ANKFN1: variants seen among roughly 807,000 people sequenced by gnomAD.
ANKFN1 encodes the protein ankyrin repeat and fibronectin type III domain containing 1.
A neutral mutation model predicts 108.7 loss-of-function variants in ANKFN1; 74 were observed. The ratio of observed to expected loss-of-function variants is 0.68; its 90% CI spans 0.56 to 0.83. The LOEUF is 0.83. Ranked by LOEUF, ANKFN1 falls within the 40% of genes least tolerant of loss-of-function variation. The pLI, the probability that ANKFN1 is intolerant of heterozygous loss-of-function variation, is 0.00. For synonymous variants in ANKFN1, 547 were observed against 516.2 expected (o/e 1.06, Z -0.81); for missense variants, 1,505 against 1,382.3 (o/e 1.09, Z -1.41).
chr17:56,188,581 G>GTTTATATATATATATATA (rs1212242378), intron 1 of ANKFN1, among the ~76,000 whole-genome samples: 1 of 49,668 alleles, frequency 2.0e-5, no homozygotes. Flanking sequence ...GTGTGTGTGT[G>GTTTATATATATATATATA]TATATATATA....
intron 1 of ANKFN1, chr17:56,174,324 C>A (rs145005075): frequency 1.0e-6 from 1 of 985,560 alleles, no homozygotes; most frequent in African/African-American, 1.7e-5. Context: ...GGAGCTGATG[C>A]CACCTGGAAT....
Position 56,128,381 on chromosome 17 carries a change from C to G in ANKFN1, c.288+82056C>G, listed in dbSNP as rs138825238. Among the ~76,000 whole-genome samples the G allele has an allele frequency of 2.6e-5, 4 of 152,164 alleles. No individual in the cohort carries two copies. In the South Asian group the frequency reaches 8.3e-4, roughly 32 times the overall value. ...TTGCAATCCTGAAGTGGGTGAAAGA[C>G]TTGCAACTGAAGGATGTTTTGATTA... On this transcript the variant is annotated intron_variant, in intron 4 of 12. Coordinates refer to the ANKFN1 transcript ENST00000635860.
rs760279056 is a variant in ANKFN1, at chr17:56,350,960, C to A, written c.383C>A (p.Thr128Asn). 1.2e-5 allele frequency: 20 copies of A among 1,613,190 alleles called. No homozygotes were observed. The highest frequency in any genetic ancestry group is 3.3e-5 in the Admixed American group (2 of 59,816). ...ACTGATCGGCTGAGTCTCAGGAAGA[C>A]CTCGGTGGTAACAAAACTGTTTTTA... Reference protein sequence around the residue: ...TRTDRLSLRKTSVNFQGNEAM... With the variant: ...TRTDRLSLRKNSVNFQGNEAM... Residue 128 changes from threonine to asparagine, a missense_variant, in exon 5 of 21, where the codon ACC becomes AAC. Transcript: ENST00000682825.
chr17:56,442,925 C>T lies in ANKFN1; in HGVS notation c.1091C>T (p.Ser364Phe). 1 of 1,613,678 alleles carries T rather than the reference C, an allele frequency of 6.2e-7. No individual in the cohort carries two copies. Among genetic ancestry groups the T allele is most frequent in the Non-Finnish European group, 8.5e-7 (1 of 1,179,682 alleles). The change falls in exon 10 of 21, where the codon TCT (serine) becomes TTT (phenylalanine). Residue 364 changes from serine (S) to phenylalanine (F), a missense_variant. Ser to Phe is a radical substitution (Grantham distance 155). Transcript: ENST00000682825. ...CAGACCACGACACCGGCATGTGCCT[C>T]TCCTTCTAGTAGGTGGTGGCTGTGA... ...PAQTTTPACA[S>F]PSNWKDYDDR... is the part of the protein sequence containing the mutation.
At chr17:56,404,080 T>G (rs1210352063) in intron 8 of ANKFN1, among the ~76,000 whole-genome samples, 1 of 152,168 alleles carries the variant, frequency 6.6e-6, no homozygotes, top group Non-Finnish European at 1.5e-5. Context: ...TGCTTCTGTC[T>G]CACAACTCTT....
chr17:56,369,356 A>G (rs1023760716), intron 6 of ANKFN1, among the ~76,000 whole-genome samples: 1 of 152,200 alleles, frequency 6.6e-6, no homozygotes, highest in Non-Finnish European at 1.5e-5. Flanking sequence ...TGTGGAGGCT[A>G]TCAACAAAGA....
intron 3 of ANKFN1, among the ~76,000 whole-genome samples, chr17:56,311,845 G>C (rs2045036975): frequency 6.6e-6 from 1 of 152,102 alleles, no homozygotes. Flanking sequence ...TAAACTCCAA[G>C]AAAAAATCCA....
At chr17:56,224,345 TA>T (rs1916093732) in intron 2 of ANKFN1, among the ~76,000 whole-genome samples, 1 of 152,090 alleles carries the variant, frequency 6.6e-6, no homozygotes, top group African/African-American at 2.4e-5. Context: ...TAAGTAAAAT[TA>T]ACATAAAATA....
At chr17:56,277,340 G>A (rs533280783) in intron 3 of ANKFN1, among the ~76,000 whole-genome samples, 1 of 152,166 alleles carries the variant, frequency 6.6e-6, no homozygotes, top group East Asian at 1.9e-4. Context: ...TTGACTTGCA[G>A]GACATCAATC....
intron 8 of ANKFN1, among the ~76,000 whole-genome samples, chr17:56,385,913 C>T (rs1181258444): frequency 2.0e-4 from 31 of 152,176 alleles, no homozygotes; most frequent in East Asian, 1.4e-3. Context: ...GTCAGTGTGG[C>T]GATTCCTCAG....
intron 8 of ANKFN1, among the ~76,000 whole-genome samples, chr17:56,435,402 A>T (rs1183494504): frequency 2.0e-5 from 3 of 152,268 alleles, no homozygotes; most frequent in South Asian, 4.1e-4. Flanking sequence ...TGTGTGAGAC[A>T]TATTAAAATT....
At chr17:56,335,164 C>G (rs1046916062) in intron 4 of ANKFN1, among the ~76,000 whole-genome samples, 1 of 152,136 alleles carries the variant, frequency 6.6e-6, no homozygotes, top group African/African-American at 2.4e-5. Flanking sequence ...ATGCCTCCAG[C>G]TTTGTTCTTT....
At position 56,440,344 on chromosome 17, in the gene ANKFN1, G is replaced by C. The variant is rs370918238; in HGVS notation, c.928G>C (p.Glu310Gln). The C allele has an allele frequency of 1.5e-4, 248 of 1,611,588 alleles. No individual in the cohort carries two copies. The highest frequency in any genetic ancestry group is 2.0e-4 in the Non-Finnish European group (239 of 1,178,538). The change falls in exon 9 of 21, where the codon GAA (glutamate) becomes CAA (glutamine). Residue 310 changes from glutamate (E) to glutamine (Q), a missense_variant. Coordinates refer to ENST00000682825, the MANE Select transcript of ANKFN1 (RefSeq NM_001370326.1). The part of the protein sequence containing the change: ...TRYKVEWSMS[E>Q]DFSPLAGEII... ...CCCTCCAGTGGAATGGAGTATGTCC[G>C]AAGACTTTTCTCCTTTGGCTGGAGA...
At chr17:56,142,219 G>A (rs143886202) in intron 4 of ANKFN1, among the ~76,000 whole-genome samples, 118 of 152,184 alleles carry the variant, frequency 7.8e-4, no homozygotes, top group Non-Finnish European at 1.6e-3. Context: ...ATGAGCCACC[G>A]CACCTGGCCA....
intron 1 of ANKFN1, chr17:56,195,237 A>G (rs543018381): frequency 3.2e-4 from 49 of 152,304 alleles, no homozygotes; most frequent in African/African-American, 1.2e-3. Context: ...TTTGCACACA[A>G]TACAAATAGA....
At chr17:56,090,608 AGTG>A (rs1319082547) in intron 4 of ANKFN1, among the ~76,000 whole-genome samples, 1 of 151,048 alleles carries the variant, frequency 6.6e-6, no homozygotes, top group Non-Finnish European at 1.5e-5. Flanking sequence ...AACATTGTAA[AGTG>A]TTGCTTATTT....
At chr17:56,192,061 C>G (rs1347889062) in intron 1 of ANKFN1, among the ~76,000 whole-genome samples, 1 of 152,106 alleles carries the variant, frequency 6.6e-6, no homozygotes, top group Non-Finnish European at 1.5e-5. Flanking sequence ...GTTTTCAGCT[C>G]AATGCAACAG....
chr17:56,483,050 T>C (rs1216953376), intron 18 of ANKFN1, among the ~76,000 whole-genome samples: 2 of 152,186 alleles, frequency 1.3e-5, no homozygotes, highest in Admixed American at 1.3e-4. Context: ...CACTGACTTA[T>C]TAAATAGACT....
chr17:56,125,417 A>G (rs1906864717), intron 4 of ANKFN1, among the ~76,000 whole-genome samples: 1 of 152,234 alleles, frequency 6.6e-6, no homozygotes, highest in Admixed American at 6.5e-5. Flanking sequence ...GAACCTGGGA[A>G]AAAAGGAGAA....
Sources: allele counts gnomAD v4.1 joint callset (sites outside exome capture counted in the v4.1 genomes callset), GRCh38; gene constraint gnomAD v4.1.1; transcripts MANE v1.5; gene names NCBI Gene and HGNC (gene_info 2026-07-23, HGNC 2026-07-21).